MED6: variants seen among roughly 807,000 people sequenced by gnomAD.
MED6 encodes mediator of RNA polymerase II transcription subunit 6.
In MED6, 33 loss-of-function variants were observed where a neutral mutation model predicts 37.5. The ratio of observed to expected loss-of-function variants is 0.88; its 90% CI spans 0.67 to 1.18. MED6 has a LOEUF of 1.18. MED6 is among the 50% of genes most tolerant of loss of function. MED6 has a pLI of 0.00. For missense variants in MED6, 235 were observed against 290.6 expected, an observed-to-expected ratio of 0.81 and a Z score of 1.39; for synonymous variants, 94 against 93.6, an observed-to-expected ratio of 1.00 and a Z score of -0.02.
chr14:70,586,061 C>T (rs548666231), intron 6 of MED6, among the ~76,000 whole-genome samples: 4 of 152,312 alleles, frequency 2.6e-5, no homozygotes, highest in African/African-American at 7.2e-5. Flanking sequence ...TTAACAAAGA[C>T]TTCCACCTCC....
In MED6 at chr14:70,584,801, T is replaced by G; in HGVS notation, c.*12A>C. On this transcript the variant is annotated 3_prime_UTR_variant, in exon 8 of 8. Coordinates refer to ENST00000256379, the MANE Select transcript of MED6 (RefSeq NM_005466.4). ...CATGAGGAGTCTTCCAGGCTTCTCTTTTGTCCAGTACTCACTGAAGTCTCA... is the reference window on the plus strand; with the variant it reads ...CATGAGGAGTCTTCCAGGCTTCTCTGTTGTCCAGTACTCACTGAAGTCTCA... 9 of 1,610,280 alleles carry G rather than the reference T, an allele frequency of 5.6e-6. No homozygotes were observed. Among genetic ancestry groups the G allele is most frequent in the Non-Finnish European group, 7.6e-6 (9 of 1,178,900 alleles).
intron 7 of MED6, among the ~76,000 whole-genome samples, chr14:70,585,267 T>G (rs187912937): frequency 1.1e-4 from 16 of 152,344 alleles, no homozygotes; most frequent in South Asian, 1.0e-3. Flanking sequence ...AACATCATTG[T>G]GTAAAAATAC....
At chr14:70,595,855 G>A (rs1027493683) in intron 3 of MED6, 11 of 643,836 alleles carry the variant, frequency 1.7e-5, no homozygotes, top group African/African-American at 1.6e-4. Context: ...TACCCTTTGA[G>A]GAGCAGGAGG....
chr14:70,587,037 T>G (rs1342693277), intron 6 of MED6, among the ~76,000 whole-genome samples: 2 of 152,130 alleles, frequency 1.3e-5, no homozygotes, highest in African/African-American at 4.8e-5. Flanking sequence ...GTTGTGAAAT[T>G]TTGGTATGTG....
intron 1 of MED6, 29 bp from the exon 2 acceptor site, chr14:70,597,806 G>T (rs1263926714): frequency 2.0e-5 from 30 of 1,512,412 alleles, no homozygotes; most frequent in Non-Finnish European, 2.6e-5. Flanking sequence ...AATGATAAAG[G>T]ATTAGAAAAA....
chr14:70,596,545 G>C, intron 3 of MED6, 66 bp downstream of exon 3: 1 of 1,288,238 alleles, frequency 7.8e-7, no homozygotes, highest in South Asian at 1.3e-5. Flanking sequence ...AAACAAGTTA[G>C]GTCAGGAAGT....
chr14:70,596,840 CTGT>C (rs1380878950), intron 2 of MED6, 138 bp from the exon 3 acceptor site: 2 of 593,488 alleles, frequency 3.4e-6, no homozygotes, highest in Non-Finnish European at 5.7e-6. Flanking sequence ...TATAATCTGG[CTGT>C]TGAGTAAAAT....
chr14:70,597,327 A>G (rs955930125), intron 2 of MED6, among the ~76,000 whole-genome samples: 26 of 152,250 alleles, frequency 1.7e-4, no homozygotes, highest in African/African-American at 6.0e-4. Context: ...AAAAGAGACA[A>G]TAATTATAGT....
chr14:70,599,830 A>G (rs1000807573), intron 1 of MED6, among the ~76,000 whole-genome samples: 1 of 152,210 alleles, frequency 6.6e-6, no homozygotes, highest in African/African-American at 2.4e-5. Flanking sequence ...AATGAAAGAC[A>G]CGTATGTAAA....
Position 70,598,204 on chromosome 14 carries a change from G to A in MED6, c.23-427C>T, listed in dbSNP as rs181323606. On this transcript the variant is annotated intron_variant, in intron 1 of 7. Coordinates refer to ENST00000256379, the MANE Select transcript of MED6 (RefSeq NM_005466.4). ...AGCTACTTGGGAGACTGAGACAGGA[G>A]AATCGCTTGCACCCAGAAGGTCTCG... is the stretch of plus-strand genomic sequence containing the variant. 2.3e-4 allele frequency among the ~76,000 whole-genome samples: 35 copies of A among 152,244 alleles called. 1 individual carries two copies. The East Asian group carries it at 6.4e-3, about 28-fold the overall frequency.
chr14:70,588,310 T>C (rs1323695308), intron 6 of MED6, among the ~76,000 whole-genome samples: 4 of 152,100 alleles, frequency 2.6e-5, no homozygotes, highest in African/African-American at 9.7e-5. Context: ...TATGATGATA[T>C]AAGTATGAAT....
At chr14:70,595,690 A>T in intron 3 of MED6, 1 of 871,212 alleles carries the variant, frequency 1.1e-6, no homozygotes. Flanking sequence ...CGCCTGCTGG[A>T]AGACAGCCAG....
chr14:70,584,850 GCACT>G lies in MED6; in HGVS notation c.700_703del (p.Ser234LeufsTer9). 1 of 1,614,100 alleles carries G rather than the reference GCACT, an allele frequency of 6.2e-7. No individual in the cohort carries two copies. The highest frequency in any genetic ancestry group is 8.5e-7 in the Non-Finnish European group (1 of 1,180,008). ...CATCCGTTTTTCAGGGGGGCCTTTA[GCACT>G]CACTGTCTGTTGTACATTCTTTGTG... On this transcript the variant is annotated frameshift_variant, in exon 8 of 8. Transcript: ENST00000256379. LOFTEE classifies it high-confidence loss of function.
intron 1 of MED6, among the ~76,000 whole-genome samples, chr14:70,598,465 A>T (rs1440152719): frequency 1.3e-5 from 2 of 151,836 alleles, no homozygotes; most frequent in African/African-American, 4.8e-5. Context: ...ACAGAGCGAG[A>T]CTCCGTCTCA....
intron 6 of MED6, among the ~76,000 whole-genome samples, chr14:70,589,932 A>C (rs1017905545): frequency 6.6e-6 from 1 of 152,250 alleles, no homozygotes; most frequent in Non-Finnish European, 1.5e-5. Flanking sequence ...CACAAATGCA[A>C]GCTATACATG....
At chr14:70,593,042 A>G (rs779877745) in intron 4 of MED6, 54 bp from the exon 5 acceptor site, 1 of 1,605,670 alleles carries the variant, frequency 6.2e-7, no homozygotes, top group South Asian at 1.1e-5. Context: ...CAAACTTTCC[A>G]AAGTAAATAC....
intron 5 of MED6, chr14:70,592,609 T>C (rs1265613452): frequency 2.0e-5 from 5 of 249,226 alleles, no homozygotes; most frequent in Non-Finnish European, 3.9e-5. Flanking sequence ...ATTACAGGAG[T>C]GAGCCACCAC....
chr14:70,584,751 C>T lies in MED6; in HGVS notation c.*62G>A, dbSNP rs776347439. Reference sequence around the variant, plus strand: ...ATAAAGTACTTCAAAGCTCAAGAGCCACAGTACTGAGGTATGATAACTAGC... The same window carrying T: ...ATAAAGTACTTCAAAGCTCAAGAGCTACAGTACTGAGGTATGATAACTAGC... On this transcript the variant is annotated 3_prime_UTR_variant, in exon 8 of 8. Coordinates refer to ENST00000256379, the MANE Select transcript of MED6 (RefSeq NM_005466.4). 3.5e-5 allele frequency: 55 copies of T among 1,551,388 alleles called. No homozygotes were observed. In the Middle Eastern group the frequency reaches 1.2e-3, roughly 34 times the overall value.
rs1180606242 is a variant in MED6, at chr14:70,583,451, C to T, written c.*1362G>A. 3 of 152,166 alleles carry T rather than the reference C, an allele frequency of 2.0e-5. No homozygotes were observed. Among genetic ancestry groups the T allele is most frequent in the East Asian group, 1.9e-4 (1 of 5,200 alleles). The allele number at this position is 152,166 out of a possible 1,614,324, so 9.4% of individuals were successfully genotyped here. On this transcript the variant is annotated 3_prime_UTR_variant, in exon 8 of 8. Transcript: ENST00000256379. ...AAACCTGATACATACTTTCAAACTT[C>T]GCTGTTTGAGTGATCACTAGTCCAA...
Sources: allele counts gnomAD v4.1 joint callset (sites outside exome capture counted in the v4.1 genomes callset), GRCh38; gene constraint gnomAD v4.1.1; transcripts MANE v1.5; gene names NCBI Gene and HGNC (gene_info 2026-07-23, HGNC 2026-07-21).